PLXNB3: variants seen among roughly 807,000 people sequenced by gnomAD.
PLXNB3 encodes the protein plexin-B3.
A neutral mutation model predicts 125.7 loss-of-function variants in PLXNB3; 80 were observed. The ratio of observed to expected loss-of-function variants is 0.64; its 90% CI spans 0.53 to 0.77. The LOEUF (loss-of-function observed/expected upper bound fraction) is 0.77, where lower values mean the gene tolerates loss of function less well. PLXNB3 is among the 30% of genes least tolerant of loss of function. PLXNB3 has a pLI of 0.00. For missense variants in PLXNB3, 1,836 were observed against 1,729.3 expected (o/e 1.06, Z -1.09); for synonymous variants, 954 against 783.3 (o/e 1.22, Z -3.64).
intron 17 of PLXNB3, 24 bp downstream of exon 17, chrX:153,773,040 C>G: frequency 3.5e-6 from 4 of 1,152,310 alleles, no homozygotes; most frequent in Non-Finnish European, 4.6e-6. Context: ...TGGCTGCCGT[C>G]GGGTGGTGGG....
At chrX:153,776,745 AGGGCAGGGATGGGGTG>A in intron 28 of PLXNB3, 126 bp from the exon 29 acceptor site, 1 of 222,650 alleles carries the variant, frequency 4.5e-6, no homozygotes, top group Non-Finnish European at 7.2e-6. Flanking sequence ...AAGGCAGGGA[AGGGCAGGGATGGGGTG>A]GGGCAGGGTG....
intron 16 of PLXNB3, chrX:153,772,662 G>C (rs781966819): frequency 3.0e-6 from 3 of 1,001,851 alleles, no homozygotes; most frequent in East Asian, 3.9e-5. Flanking sequence ...GTGGCAGTGA[G>C]GATGAAAGAG....
Position 153,768,398 on chromosome X carries a change from C to G in PLXNB3, c.1236C>G (p.Phe412Leu). The change falls in exon 4 of 36, where the codon TTC (phenylalanine) becomes TTG (leucine). Residue 412 changes from phenylalanine (F) to leucine (L), a missense_variant. Transcript: ENST00000361971. ...ALQADGHMIA[F>L]LGDTQGQLYK... ...AGGCAGATGGGCACATGATAGCCTT[C>G]CTGGGGGACACCCAGGGCCAGCTGT... is the stretch of plus-strand genomic sequence containing the variant. 1 of 1,207,434 alleles carries G rather than the reference C, an allele frequency of 8.3e-7. No homozygotes were observed.
chrX:153,773,933 C>G lies in PLXNB3; in HGVS notation c.3354C>G (p.His1118Gln), dbSNP rs782214419. Residue 1118 changes from histidine to glutamine, a missense_variant, in exon 20 of 36, where the codon CAC becomes CAG. Coordinates refer to ENST00000361971, the MANE Select transcript of PLXNB3 (RefSeq NM_005393.3). Reference protein sequence around the residue: ...CRSPAVPDRAHPQRVFFTLDN... With the variant: ...CRSPAVPDRAQPQRVFFTLDN... ...GCCCTGCTGTACCAGACAGAGCCCA[C>G]CCGCAGCGGGTCTTCTTCACCCTAG... The G allele has an allele frequency of 6.6e-6, 8 of 1,211,181 alleles. No individual in the cohort carries two copies. The Admixed American group carries it at 1.5e-4, about 23-fold the overall frequency.
At chrX:153,777,043 C>T in intron 29 of PLXNB3, 63 bp downstream of exon 29, 1 of 985,439 alleles carries the variant, frequency 1.0e-6, no homozygotes, top group Non-Finnish European at 1.4e-6. Flanking sequence ...GAACTCCTGG[C>T]CATGCATCTG....
At chrX:153,772,402 G>A (rs1162310705) in intron 16 of PLXNB3, 115 bp downstream of exon 16, 1 of 571,596 alleles carries the variant, frequency 1.7e-6, no homozygotes. Context: ...AAGCACCGCT[G>A]CATGTCTAGG....
Position 153,769,204 on chromosome X carries a change from T to C in PLXNB3, c.1438T>C (p.Cys480Arg). ...GGCAGCCTGCCCCCAGTTCCCTGAC[T>C]GTGCCAGCTGCCTCCAGGCCCAGGA... ...PVAACPQFPD[C>R]ASCLQAQDPL... is the part of the protein sequence containing the mutation. Residue 480 changes from cysteine to arginine, a missense_variant, in exon 6 of 36, where the codon TGT becomes CGT. By Grantham distance (180) the Cys-to-Arg change is radical. Coordinates refer to ENST00000361971, the MANE Select transcript of PLXNB3 (RefSeq NM_005393.3). 8.5e-7 allele frequency: 1 copy of C among 1,181,614 alleles called. No individual in the cohort carries two copies. The highest frequency in any genetic ancestry group is 1.1e-6 in the Non-Finnish European group (1 of 880,315).
chrX:153,768,232 C>T lies in PLXNB3; in HGVS notation c.1087-17C>T. The stretch of plus-strand genomic sequence containing the variant: ...TGCTCTCTTCCGGGGGCTGATTCTC[C>T]ACTTCCTGCCACGTAGGATTCCCCC... On this transcript the variant is annotated splice_polypyrimidine_tract_variant and intron_variant, in intron 3 of 35. Transcript: ENST00000361971. 8.5e-7 allele frequency: 1 copy of T among 1,172,125 alleles called. No homozygotes were observed.
Position 153,776,107 on chromosome X carries a change from G to A in PLXNB3, c.4622G>A (p.Arg1541Gln), listed in dbSNP as rs1257094238. 2.4e-5 allele frequency: 29 copies of A among 1,200,466 alleles called. No individual in the cohort carries two copies. The highest frequency in any genetic ancestry group is 3.0e-5 in the Non-Finnish European group (27 of 890,894). ...AGCGAGATGCAGCGCGTGCCAGCCC[G>A]GGTGCTCGACACGGACACCATCACC... ...GSSEMQRVPA[R>Q]VLDTDTITQV... The change falls in exon 27 of 36, where the codon CGG (arginine) becomes CAG (glutamine). Residue 1541 changes from arginine to glutamine, a missense_variant. Arg to Gln is a conservative substitution (Grantham distance 43). Transcript: ENST00000361971.
Position 153,767,742 on chromosome X carries a change from G to C in PLXNB3, c.915G>C (p.Ala305=), listed in dbSNP as rs370753067. Residue 305 remains alanine, a synonymous_variant, in exon 3 of 36, where the codon GCG becomes GCC. Transcript: ENST00000361971. ...APGTLLGVFA[A]GPRGTQAALC... is the part of the protein sequence containing the mutation. ...GCACCTTGCTAGGGGTGTTTGCCGCGGGCCCAAGGGGCACCCAGGCGGCGC... is the reference window on the plus strand; with the variant it reads ...GCACCTTGCTAGGGGTGTTTGCCGCCGGCCCAAGGGGCACCCAGGCGGCGC... The C allele has an allele frequency of 2.1e-5, 25 of 1,170,996 alleles. No homozygotes were observed. The South Asian group carries it at 4.8e-4, about 22-fold the overall frequency.
Position 153,770,832 on chromosome X carries a change from G to T in PLXNB3, c.2085G>T (p.Val695=). The change falls in exon 11 of 36, where the codon GTG becomes GTT. Residue 695 remains valine, a synonymous_variant. Coordinates refer to ENST00000361971, the MANE Select transcript of PLXNB3 (RefSeq NM_005393.3). ...EGLAGPHLVP[V]GWESHLALRV... is the part of the protein sequence containing the mutation. ...TGGCAGGTCCCCACCTGGTGCCTGT[G>T]GGCTGGGAGAGCCATTTGGCCCTAC... is the stretch of plus-strand genomic sequence containing the variant. 1 of 1,209,279 alleles carries T rather than the reference G, an allele frequency of 8.3e-7. No homozygotes were observed. The highest frequency in any genetic ancestry group is 1.1e-6 in the Non-Finnish European group (1 of 893,799).
intron 16 of PLXNB3, chrX:153,772,613 A>C: frequency 1.1e-5 from 9 of 816,829 alleles, no homozygotes; most frequent in Non-Finnish European, 1.3e-5. Context: ...TGGGGGCTGT[A>C]AGCTGTGGTG....
chrX:153,771,200 G>C (rs782728864), intron 12 of PLXNB3, 110 bp from the exon 13 acceptor site: 180 of 919,894 alleles, frequency 2.0e-4, no homozygotes, highest in Non-Finnish European at 2.8e-4. Flanking sequence ...CCCCAGTCTT[G>C]GGGGAGAGGC....
At chrX:153,773,148 G>A in intron 17 of PLXNB3, 82 bp from the exon 18 acceptor site, 16 of 1,094,414 alleles carry the variant, frequency 1.5e-5, no homozygotes, top group South Asian at 2.2e-5. Context: ...GCAAAGCAGG[G>A]CTTCTCCTAC....
At chrX:153,770,467 C>G (rs186491647) in intron 9 of PLXNB3, 21 bp downstream of exon 9, 2 of 1,200,590 alleles carry the variant, frequency 1.7e-6, no homozygotes, top group African/African-American at 3.5e-5. Context: ...GGGCCTGCCT[C>G]CTGGGGTAGG....
chrX:153,776,434 G>C lies in PLXNB3; in HGVS notation c.4808G>C (p.Arg1603Thr). 8.6e-7 allele frequency: 1 copy of C among 1,158,549 alleles called. No homozygotes were observed. Among genetic ancestry groups the C allele is most frequent in the Non-Finnish European group, 1.2e-6 (1 of 860,319 alleles). ...LTSVTQNHWK[R>T]LNTLQHYKVP... Reference sequence around the variant, plus strand: ...TCCGTGACCCAAAACCACTGGAAGAGACTCAACACCTTGCAACACTACAAG... The same window carrying C: ...TCCGTGACCCAAAACCACTGGAAGACACTCAACACCTTGCAACACTACAAG... Residue 1603 changes from arginine to threonine, a missense_variant, in exon 28 of 36, where the codon AGA becomes ACA. Physicochemically the swap from Arg to Thr is moderately conservative, Grantham distance 71. Transcript: ENST00000361971.
chrX:153,778,769 G>T (rs2092024222), intron 35 of PLXNB3, 95 bp downstream of exon 35: 1 of 1,120,317 alleles, frequency 8.9e-7, no homozygotes, highest in South Asian at 2.1e-5. Flanking sequence ...TGCTGGCGGG[G>T]CCCAGGCTGG....
chrX:153,771,327 C>A lies in PLXNB3; in HGVS notation c.2271C>A (p.Ser757=). Residue 757 remains serine, a synonymous_variant, in exon 13 of 36, where the codon TCC becomes TCA. Coordinates refer to ENST00000361971, the MANE Select transcript of PLXNB3 (RefSeq NM_005393.3). ...GCCCACAGTTTTATCCCTCCATGTC[C>A]CAGCGGGAGCTCCCAGTGCCCATCT... The part of the protein sequence containing the change: ...CQAHQFYPSM[S]QRELPVPIYV... 8.3e-7 allele frequency: 1 copy of A among 1,208,996 alleles called. No homozygotes were observed. The highest frequency in any genetic ancestry group is 1.1e-6 in the Non-Finnish European group (1 of 893,226).
At chrX:153,766,061 C>T in intron 2 of PLXNB3, 1 of 1,059,101 alleles carries the variant, frequency 9.4e-7, no homozygotes, top group Non-Finnish European at 1.2e-6. Context: ...TGTGCCAGGC[C>T]CTGAGAGACC....
Sources: gnomAD v4.1 joint callset for allele counts on GRCh38, gnomAD v4.1.1 for gene constraint, MANE v1.5 for transcripts, NCBI Gene and HGNC (gene_info 2026-07-23, HGNC 2026-07-21) for gene names.